The following FBXL20 variants were observed in gnomAD, a reference collection of about 807,000 sequenced individuals.
FBXL20 encodes F-box and leucine rich repeat protein 20.
Under a neutral mutation model 64.0 loss-of-function variants are expected in FBXL20, and 11 were observed. The observed-to-expected ratio is 0.17, with a 90% CI of 0.11 to 0.28. The LOEUF is 0.28. FBXL20 is among the 10% of genes least tolerant of loss of function. The pLI is 1.00. For synonymous variants in FBXL20, 184 were observed against 189.0 expected (o/e 0.97, Z 0.22); for missense variants, 303 against 526.2 (o/e 0.58, Z 4.15).
At chr17:39,372,248 C>T (rs575836091) in intron 1 of FBXL20, among the ~76,000 whole-genome samples, 5 of 151,930 alleles carry the variant, frequency 3.3e-5, no homozygotes, top group Non-Finnish European at 5.9e-5. Context: ...AGGCCAGGCA[C>T]GGTGGCTCAC....
In FBXL20 at chr17:39,261,193, G is replaced by A; in HGVS notation, c.*267C>T. Reference sequence around the variant, plus strand: ...TATCTTGGCCTATGATTTTCTTATGGGCACCTCAACAGGAATGGTTAAATT... The same window carrying A: ...TATCTTGGCCTATGATTTTCTTATGAGCACCTCAACAGGAATGGTTAAATT... On this transcript the variant is annotated 3_prime_UTR_variant, in exon 15 of 15. Transcript: ENST00000264658. 3 of 345,960 alleles carry A rather than the reference G, an allele frequency of 8.7e-6. No homozygotes were observed. Among genetic ancestry groups the A allele is most frequent in the Non-Finnish European group, 1.6e-5 (3 of 184,988 alleles). 21.4% of individuals were successfully genotyped at this position (345,960 alleles called of 1,614,324 possible).
chr17:39,342,475 G>A (rs957738356), intron 2 of FBXL20, among the ~76,000 whole-genome samples: 2 of 152,094 alleles, frequency 1.3e-5, no homozygotes, highest in Non-Finnish European at 2.9e-5. Flanking sequence ...CAGCACTTTG[G>A]GAGGCCAAAG....
At chr17:39,325,064 C>T (rs537793444) in intron 2 of FBXL20, among the ~76,000 whole-genome samples, 7 of 152,156 alleles carry the variant, frequency 4.6e-5, no homozygotes, top group African/African-American at 1.4e-4. Context: ...AAAAATTAGC[C>T]GGGCGTGGTG....
At chr17:39,322,494 T>C (rs892215551) in intron 2 of FBXL20, among the ~76,000 whole-genome samples, 1 of 152,132 alleles carries the variant, frequency 6.6e-6, no homozygotes, top group Non-Finnish European at 1.5e-5. Flanking sequence ...AATTAAAAAA[T>C]TTTTTAATTT....
chr17:39,401,483 T>G lies in FBXL20; in HGVS notation c.-81A>C, dbSNP rs2048244079. ...GGGGGCCCAGGACAGGCCCGGGAGTTCCGGGACGGGGACTGGGCGCCGGAG... is the reference window on the plus strand; with the variant it reads ...GGGGGCCCAGGACAGGCCCGGGAGTGCCGGGACGGGGACTGGGCGCCGGAG... On this transcript the variant is annotated 5_prime_UTR_variant, in exon 1 of 15. Transcript: ENST00000264658. 1 of 1,522,546 alleles carries G rather than the reference T, an allele frequency of 6.6e-7. No individual in the cohort carries two copies. The allele number at this position is 1,522,546 out of a possible 1,614,324, so 94.3% of individuals were successfully genotyped here. A position where few individuals can be genotyped will look rare whatever the true frequency, so the allele number is the denominator to read the frequency against.
intron 2 of FBXL20, among the ~76,000 whole-genome samples, chr17:39,311,257 T>C (rs560970582): frequency 1.9e-4 from 29 of 152,334 alleles, no homozygotes; most frequent in African/African-American, 6.7e-4. Flanking sequence ...ACAAAACTTT[T>C]GGCTTTTAAA....
At chr17:39,398,603 T>G (rs2144691912) in intron 1 of FBXL20, among the ~76,000 whole-genome samples, 2 of 152,194 alleles carry the variant, frequency 1.3e-5, no homozygotes, top group East Asian at 3.9e-4. Context: ...GATTCTTTAT[T>G]CAGTAGTCAT....
At chr17:39,384,392 G>C (rs937220104) in intron 1 of FBXL20, among the ~76,000 whole-genome samples, 1 of 151,756 alleles carries the variant, frequency 6.6e-6, no homozygotes, top group Admixed American at 6.6e-5. Flanking sequence ...GGGAGTGGTG[G>C]TGCGCGCCTG....
At chr17:39,346,919 A>C (rs1398615396) in intron 1 of FBXL20, among the ~76,000 whole-genome samples, 1 of 144,212 alleles carries the variant, frequency 6.9e-6, no homozygotes, top group Non-Finnish European at 1.5e-5. Context: ...TTCAATTCCC[A>C]TCTATGAGTG....
chr17:39,306,637 A>T (rs1465089033), intron 2 of FBXL20, among the ~76,000 whole-genome samples: 5 of 152,186 alleles, frequency 3.3e-5, no homozygotes, highest in African/African-American at 1.2e-4. Flanking sequence ...CCAGTATCAC[A>T]CTATTTTAAA....
intron 6 of FBXL20, among the ~76,000 whole-genome samples, chr17:39,291,458 G>T: frequency 7.4e-6 from 1 of 134,282 alleles, no homozygotes. Context: ...TTTTGAGATG[G>T]AGTCTCATTC....
chr17:39,367,311 T>C (rs2047870237), intron 1 of FBXL20, among the ~76,000 whole-genome samples: 1 of 151,716 alleles, frequency 6.6e-6, no homozygotes, highest in Admixed American at 6.6e-5. Flanking sequence ...GGTTTATCTT[T>C]TTCTTTTCTT....
At chr17:39,386,288 CAG>C (rs1381813525) in intron 1 of FBXL20, among the ~76,000 whole-genome samples, 1 of 151,756 alleles carries the variant, frequency 6.6e-6, no homozygotes, top group African/African-American at 2.4e-5. Context: ...GCCTGGGTGA[CAG>C]AGCAAGACTC....
Position 39,343,238 on chromosome 17 carries a change from A to G in FBXL20, c.46T>C (p.Phe16Leu). Residue 16 changes from phenylalanine (F) to leucine (L), a missense_variant, in exon 2 of 15, where the codon TTC becomes CTC. Around this residue, in one of 3 missense-constraint regions of FBXL20, gnomAD observed 246 missense variants for 422.6 expected, o/e 0.58. Transcript: ENST00000264658. ...ATTACAGCTTCATCACTATTTGAGA[A>G]CATCTGCAAAAACAAAATCATAGTG... ...NGVTKSRFEM[F>L]SNSDEAVINK... 6.3e-7 allele frequency: 1 copy of G among 1,593,870 alleles called. No individual in the cohort carries two copies. Among genetic ancestry groups the G allele is most frequent in the South Asian group, 1.2e-5 (1 of 86,136 alleles).
intron 2 of FBXL20, among the ~76,000 whole-genome samples, chr17:39,325,987 G>A (rs1340414297): frequency 6.6e-6 from 1 of 152,132 alleles, no homozygotes; most frequent in African/African-American, 2.4e-5. Flanking sequence ...CTCATGAATG[G>A]CTTAGTACTA....
chr17:39,327,937 A>T (rs139188816), intron 2 of FBXL20, among the ~76,000 whole-genome samples: 1 of 152,120 alleles, frequency 6.6e-6, no homozygotes, highest in African/African-American at 2.4e-5. Flanking sequence ...AGCAATGAGC[A>T]TATCTAGAAT....
chr17:39,384,958 GATAA>G (rs1231024156), intron 1 of FBXL20, among the ~76,000 whole-genome samples: 2 of 151,960 alleles, frequency 1.3e-5, no homozygotes, highest in East Asian at 1.9e-4. Flanking sequence ...CTCAACAAAA[GATAA>G]ATAAATAAAA....
At chr17:39,389,128 A>AAT (rs2048112146) in intron 1 of FBXL20, among the ~76,000 whole-genome samples, 1 of 150,412 alleles carries the variant, frequency 6.6e-6, no homozygotes, top group Admixed American at 6.6e-5. Flanking sequence ...AAAAAAAAAA[A>AAT]ATTAGATCTA....
Position 39,400,483 on chromosome 17 carries a change from T to C in FBXL20, c.42+878A>G, listed in dbSNP as rs535287220. ...TGGTTCTCTGCCAGAAAAGACCAGGTGACATTTACTCTTCCTGTAGAAGTT... is the reference window on the plus strand; with the variant it reads ...TGGTTCTCTGCCAGAAAAGACCAGGCGACATTTACTCTTCCTGTAGAAGTT... On this transcript the variant is annotated intron_variant, in intron 1 of 14. Transcript: ENST00000264658. 1.9e-3 allele frequency among the ~76,000 whole-genome samples: 283 copies of C among 152,276 alleles called. 2 individuals carry two copies. The highest frequency in any genetic ancestry group is 6.5e-3 in the African/African-American group (270 of 41,546).
Sources: allele counts gnomAD v4.1 joint callset (sites outside exome capture counted in the v4.1 genomes callset), GRCh38; gene constraint gnomAD v4.1.1; regional missense constraint gnomAD v4.1.1; transcripts MANE v1.5; gene names NCBI Gene and HGNC (gene_info 2026-07-23, HGNC 2026-07-21).